DIP2B: variants seen among roughly 807,000 people sequenced by gnomAD.
DIP2B encodes DIP2 acetate--CoA ligase B (putative).
A neutral mutation model predicts 198.0 loss-of-function variants in DIP2B; 76 were observed. That is an observed-to-expected ratio of 0.38 (90% CI 0.32 to 0.46). The LOEUF (loss-of-function observed/expected upper bound fraction) is 0.46, where lower values mean the gene tolerates loss of function less well. Ranked by LOEUF, DIP2B falls within the 20% of genes least tolerant of loss-of-function variation. The pLI is 0.99. For missense variants in DIP2B, 1,559 were observed against 1,978.4 expected (o/e 0.79, Z 4.02); for synonymous variants, 701 against 739.1 (o/e 0.95, Z 0.84).
intron 1 of DIP2B, among the ~76,000 whole-genome samples, chr12:50,514,214 C>T (rs1301507463): frequency 1.3e-5 from 2 of 151,690 alleles, no homozygotes; most frequent in African/African-American, 2.4e-5. Context: ...TACAGGCATG[C>T]ACCATTGGGC....
chr12:50,738,759 C>T (rs1050790260), intron 35 of DIP2B, among the ~76,000 whole-genome samples: 3 of 152,154 alleles, frequency 2.0e-5, no homozygotes, highest in African/African-American at 4.8e-5. Flanking sequence ...GGATTACAAG[C>T]GTGAGCCACC....
intron 1 of DIP2B, among the ~76,000 whole-genome samples, chr12:50,511,655 A>T (rs1958017998): frequency 6.6e-6 from 1 of 151,466 alleles, no homozygotes; most frequent in Non-Finnish European, 1.5e-5. Context: ...AATTTTTTTT[A>T]AAGTAGAAAT....
chr12:50,562,190 G>A (rs185615809), intron 1 of DIP2B, among the ~76,000 whole-genome samples: 29 of 152,214 alleles, frequency 1.9e-4, no homozygotes, highest in African/African-American at 6.7e-4. Flanking sequence ...GTAGAGAAAG[G>A]GTAACAAGCT....
intron 1 of DIP2B, among the ~76,000 whole-genome samples, chr12:50,615,265 T>C (rs990631840): frequency 6.6e-6 from 1 of 152,166 alleles, no homozygotes; most frequent in African/African-American, 2.4e-5. Context: ...CCCCGCCATT[T>C]CTTTTTTTTT....
chr12:50,605,073 A>G (rs1958970144), intron 1 of DIP2B, among the ~76,000 whole-genome samples: 2 of 152,320 alleles, frequency 1.3e-5, no homozygotes, highest in South Asian at 4.1e-4. Context: ...CCATTAATGT[A>G]GCCTGTTTTC....
chr12:50,608,755 C>T (rs1319916582), intron 1 of DIP2B, among the ~76,000 whole-genome samples: 1 of 152,108 alleles, frequency 6.6e-6, no homozygotes, highest in Non-Finnish European at 1.5e-5. Context: ...AGTTTCTTTG[C>T]AATACTCTGA....
intron 1 of DIP2B, among the ~76,000 whole-genome samples, chr12:50,533,422 G>A (rs1445056549): frequency 3.3e-5 from 5 of 152,070 alleles, no homozygotes; most frequent in Admixed American, 3.3e-4. Flanking sequence ...GTAGGGTGAG[G>A]GTAGCGTCGA....
At chr12:50,662,675 C>T (rs865958168) in intron 4 of DIP2B, among the ~76,000 whole-genome samples, 5 of 152,256 alleles carry the variant, frequency 3.3e-5, no homozygotes, top group South Asian at 2.1e-4. Flanking sequence ...TTTTATCTCG[C>T]ATATGTACTC....
chr12:50,620,953 C>T (rs1339088591), intron 1 of DIP2B, among the ~76,000 whole-genome samples: 1 of 152,190 alleles, frequency 6.6e-6, no homozygotes, highest in African/African-American at 2.4e-5. Flanking sequence ...CTTTAGGACT[C>T]ATTGGAAGAT....
intron 13 of DIP2B, among the ~76,000 whole-genome samples, chr12:50,692,325 TTTTAGG>T (rs1939236478): frequency 6.6e-6 from 1 of 152,032 alleles, no homozygotes; most frequent in Non-Finnish European, 1.5e-5. Flanking sequence ...AGGAAGTATC[TTTTAGG>T]AAATTTATAT....
intron 1 of DIP2B, among the ~76,000 whole-genome samples, chr12:50,565,744 A>T (rs1162112508): frequency 6.6e-6 from 1 of 152,198 alleles, no homozygotes; most frequent in Non-Finnish European, 1.5e-5. Context: ...AATCTTAAAA[A>T]GTCAATGTAG....
In DIP2B at chr12:50,551,340, T is replaced by G. The variant is rs541572006; in HGVS notation, c.100+46100T>G. Among the ~76,000 whole-genome samples the G allele has an allele frequency of 1.6e-3, 242 of 152,034 alleles. 1 individual carries two copies. The highest frequency in any genetic ancestry group is 5.3e-3 in the African/African-American group (221 of 41,484). On this transcript the variant is annotated intron_variant, in intron 1 of 37. Transcript: ENST00000301180. ...TGGCGGGCTGAGGCAGGAGGATCGCTTGAACCTGGGAGGCAGAGGTTGCAG... is the reference window on the plus strand; with the variant it reads ...TGGCGGGCTGAGGCAGGAGGATCGCGTGAACCTGGGAGGCAGAGGTTGCAG...
intron 1 of DIP2B, among the ~76,000 whole-genome samples, chr12:50,533,755 A>G (rs914053579): frequency 6.6e-6 from 1 of 151,886 alleles, no homozygotes; most frequent in African/African-American, 2.4e-5. Context: ...ATGCTGGCTA[A>G]TTTTTAAATT....
intron 34 of DIP2B, among the ~76,000 whole-genome samples, chr12:50,735,853 TA>T (rs1429163841): frequency 2.6e-5 from 4 of 152,182 alleles, no homozygotes; most frequent in African/African-American, 9.7e-5. Context: ...CACATGCATT[TA>T]AAGTTGAAAG....
chr12:50,549,481 GAC>G (rs1958407161), intron 1 of DIP2B, among the ~76,000 whole-genome samples: 1 of 151,144 alleles, frequency 6.6e-6, no homozygotes. Flanking sequence ...AGTGAGCTGA[GAC>G]CGCGCCACTG....
rs564760145 is a variant in DIP2B at position 50,686,726 on chromosome 12, GCTTTGCTTGCCA to G, written c.1551+46_1551+57del. 1,314 of 1,558,102 alleles carry G rather than the reference GCTTTGCTTGCCA, an allele frequency of 8.4e-4. 20 individuals are homozygous for G. In the South Asian group the frequency reaches 0.015, roughly 17 times the overall value. ...AATATGCTTTCAGGCTTTTCCTTGG[GCTTTGCTTGCCA>G]CCTTTCAAAATATAAAACTGAATTT... On this transcript the variant is annotated intron_variant, in intron 12 of 37. Transcript: ENST00000301180.
At chr12:50,720,159 A>T (rs1939808724) in intron 25 of DIP2B, among the ~76,000 whole-genome samples, 1 of 151,744 alleles carries the variant, frequency 6.6e-6, no homozygotes, top group Non-Finnish European at 1.5e-5. Context: ...CGAACTCCTG[A>T]CCTCAGGATC....
At chr12:50,685,790 C>CA in intron 10 of DIP2B, 43 bp from the exon 11 acceptor site, 1 of 1,594,580 alleles carries the variant, frequency 6.3e-7, no homozygotes, top group Non-Finnish European at 8.6e-7. Context: ...TGAGTGTGCT[C>CA]ACATTCGCTC....
Position 50,677,619 on chromosome 12 carries a change from G to A in DIP2B, c.917-1060G>A, listed in dbSNP as rs149597850. Among the ~76,000 whole-genome samples the A allele has an allele frequency of 2.6e-4, 39 of 152,216 alleles. No homozygotes were observed. The East Asian group carries it at 7.4e-3, about 29-fold the overall frequency. Reference sequence around the variant, plus strand: ...AACAGAGCAAGACTCTGTCGTGGGGGTAGGGAAGGAAATGTAGGATTCTTT... The same window carrying A: ...AACAGAGCAAGACTCTGTCGTGGGGATAGGGAAGGAAATGTAGGATTCTTT... On this transcript the variant is annotated intron_variant, in intron 7 of 37. Coordinates refer to ENST00000301180, the MANE Select transcript of DIP2B (RefSeq NM_173602.3).
Sources: allele counts gnomAD v4.1 joint callset (sites outside exome capture counted in the v4.1 genomes callset), GRCh38; gene constraint gnomAD v4.1.1; transcripts MANE v1.5; gene names NCBI Gene and HGNC (gene_info 2026-07-23, HGNC 2026-07-21).